The following RGS6 variants were observed in gnomAD, a reference collection of about 807,000 sequenced individuals.
RGS6 encodes regulator of G-protein signaling 6.
Under a neutral mutation model 78.5 loss-of-function variants are expected in RGS6, and 30 were observed. The observed-to-expected ratio is 0.38, with a 90% CI of 0.29 to 0.52. RGS6 has a LOEUF of 0.52. Among genes scored for constraint, RGS6 ranks in the 20% least tolerant of loss-of-function variants. The pLI, the probability that RGS6 is intolerant of heterozygous loss-of-function variation, is 0.85. For missense variants in RGS6, 495 were observed against 609.7 expected, an observed-to-expected ratio of 0.81 and a Z score of 1.98; for synonymous variants, 206 against 206.0, an observed-to-expected ratio of 1.00 and a Z score of 0.00.
At chr14:72,518,315 C>A (rs554085878) in intron 14 of RGS6, 36 bp from the exon 15 acceptor site, 4 of 1,590,592 alleles carry the variant, frequency 2.5e-6, no homozygotes, top group Non-Finnish European at 3.4e-6. Flanking sequence ...GATGCTGAGC[C>A]CCCTGGAACT....
intron 17 of RGS6, among the ~76,000 whole-genome samples, chr14:72,557,072 A>C (rs2097588748): frequency 6.6e-6 from 1 of 152,222 alleles, no homozygotes; most frequent in African/African-American, 2.4e-5. Flanking sequence ...AGGGTGAGAA[A>C]GACAGGAATG....
Position 72,545,184 on chromosome 14 carries a change from G to A in RGS6, c.1422+5090G>A, listed in dbSNP as rs139669947. On this transcript the variant is annotated intron_variant, in intron 17 of 17. Transcript: ENST00000553525. ...TTAGTTTTTATTGCAAACAGTCCTT[G>A]GACTCCTTTGGGACCACTGGGTCAC... Among the ~76,000 whole-genome samples, 162 of 152,350 alleles carry A rather than the reference G, an allele frequency of 1.1e-3. 3 individuals carry two copies. The highest frequency in any genetic ancestry group is 0.01 in the Middle Eastern group (3 of 294).
chr14:72,143,065 T>C (rs183668054), intron 2 of RGS6, among the ~76,000 whole-genome samples: 1 of 152,142 alleles, frequency 6.6e-6, no homozygotes, highest in Admixed American at 6.6e-5. Flanking sequence ...AGATGGAGAA[T>C]CCTGGATAAA....
chr14:71,874,838 A>T, the RGS6 span, among the ~76,000 whole-genome samples: 2 of 152,152 alleles, frequency 1.3e-5, no homozygotes, highest in African/African-American at 4.8e-5. Flanking sequence ...ATTTATTGAA[A>T]GTTTTTAGCA....
chr14:72,149,795 T>C (rs1598408115), intron 2 of RGS6, among the ~76,000 whole-genome samples: 1 of 152,206 alleles, frequency 6.6e-6, no homozygotes, highest in East Asian at 1.9e-4. Context: ...CAAATTTAAA[T>C]TGTAGACATA....
intron 13 of RGS6, among the ~76,000 whole-genome samples, chr14:72,506,922 G>T (rs1269679077): frequency 1.4e-5 from 2 of 143,540 alleles, no homozygotes; most frequent in Non-Finnish European, 3.0e-5. Flanking sequence ...GCCGAGGCAG[G>T]TGGATCACAA....
intron 2 of RGS6, among the ~76,000 whole-genome samples, chr14:71,978,810 A>C (rs1408143596): frequency 1.3e-5 from 2 of 151,744 alleles, no homozygotes; most frequent in African/African-American, 2.4e-5. Flanking sequence ...CTCTTTTCCT[A>C]TTGATTGGAA....
At chr14:72,472,698 G>T (rs374719020) in intron 8 of RGS6, among the ~76,000 whole-genome samples, 174 bp from the exon 9 acceptor site, 5 of 151,970 alleles carry the variant, frequency 3.3e-5, no homozygotes, top group African/African-American at 1.2e-4. Context: ...GAGGTTTTCG[G>T]GGGGGGAATT....
intron 2 of RGS6, among the ~76,000 whole-genome samples, chr14:72,204,810 G>C (rs1233164023): frequency 1.3e-5 from 2 of 152,172 alleles, no homozygotes; most frequent in Non-Finnish European, 2.9e-5. Flanking sequence ...ATTTCGGAGG[G>C]ACAGAAACAT....
At chr14:71,948,738 CTCTTTTTTT>C (rs1306309668) in intron 1 of RGS6, among the ~76,000 whole-genome samples, 44 of 75,220 alleles carry the variant, frequency 5.8e-4, no homozygotes, top group East Asian at 3.8e-3. Flanking sequence ...CTCTCTCTCT[CTCTTTTTTT>C]TTTTTTTTTT....
At chr14:72,595,180 C>T in the RGS6 span, 8 of 152,302 alleles carry the variant, frequency 5.3e-5, no homozygotes, top group East Asian at 1.5e-3. Flanking sequence ...AGATTACCCG[C>T]TGTGTGCCCA....
At chr14:72,342,218 A>T (rs1280012110) in intron 2 of RGS6, among the ~76,000 whole-genome samples, 1 of 148,644 alleles carries the variant, frequency 6.7e-6, no homozygotes, top group Non-Finnish European at 1.5e-5. Context: ...ATAAAAAAGG[A>T]TCTTTGTTTT....
At chr14:72,046,801 G>A (rs1416120307) in intron 2 of RGS6, among the ~76,000 whole-genome samples, 2 of 152,216 alleles carry the variant, frequency 1.3e-5, no homozygotes, top group Non-Finnish European at 2.9e-5. Context: ...TAGGGCAAAT[G>A]TCATGTAGGA....
At position 72,460,777 on chromosome 14, in the gene RGS6, G is replaced by C. The variant is rs143694435; in HGVS notation, c.394+1094G>C. Among the ~76,000 whole-genome samples the C allele has an allele frequency of 6.5e-3, 988 of 152,242 alleles. 5 individuals are homozygous for C. Among genetic ancestry groups the C allele is most frequent in the Non-Finnish European group, 9.1e-3 (618 of 68,024 alleles). ...AAGACAAGAAGGCAGATGCAGCTGT[G>C]GTGAGTGGGAGGGAGATGTGCAGCT... On this transcript the variant is annotated intron_variant, in intron 6 of 17. Coordinates refer to ENST00000553525, the MANE Select transcript of RGS6 (RefSeq NM_001204424.2).
chr14:71,905,477 T>C, the RGS6 span, among the ~76,000 whole-genome samples: 1 of 152,100 alleles, frequency 6.6e-6, no homozygotes, highest in African/African-American at 2.4e-5. Flanking sequence ...AACATTTTCC[T>C]TCTTCTCTCT....
intron 6 of RGS6, among the ~76,000 whole-genome samples, chr14:72,461,289 C>T (rs2095774092): frequency 6.6e-6 from 1 of 152,108 alleles, no homozygotes; most frequent in African/African-American, 2.4e-5. Flanking sequence ...AGACCAGATA[C>T]CTGGGCCCAA....
intron 3 of RGS6, among the ~76,000 whole-genome samples, chr14:72,439,834 G>C (rs2095110831): frequency 6.6e-6 from 1 of 152,208 alleles, no homozygotes; most frequent in African/African-American, 2.4e-5. Flanking sequence ...GCTGTGTTCT[G>C]CTGAAGGCTG....
intron 17 of RGS6, among the ~76,000 whole-genome samples, chr14:72,548,002 C>T (rs1026147027): frequency 2.0e-5 from 3 of 152,188 alleles, no homozygotes; most frequent in South Asian, 2.1e-4. Context: ...TCCTGCCTCC[C>T]TCCCCCTGCT....
At chr14:72,198,384 G>A (rs2040695058) in intron 2 of RGS6, among the ~76,000 whole-genome samples, 1 of 152,192 alleles carries the variant, frequency 6.6e-6, no homozygotes, top group Non-Finnish European at 1.5e-5. Context: ...CCAACATCTT[G>A]CATAAGGCCC....
Sources: gnomAD v4.1 joint callset for allele counts (sites outside exome capture counted in the v4.1 genomes callset) on GRCh38, gnomAD v4.1.1 for gene constraint, MANE v1.5 for transcripts, NCBI Gene and HGNC (gene_info 2026-07-23, HGNC 2026-07-21) for gene names.